The following ALDH1L1 variants were observed in gnomAD, a reference collection of about 807,000 sequenced individuals.
ALDH1L1 encodes aldehyde dehydrogenase 1 family member L1.
In ALDH1L1, 68 loss-of-function variants were observed where a neutral mutation model predicts 101.1. The observed-to-expected ratio is 0.67, with a 90% confidence interval of 0.55 to 0.82. The LOEUF is 0.82. Among genes scored for constraint, ALDH1L1 ranks in the 40% least tolerant of loss-of-function variants. ALDH1L1 has a pLI of 0.00. For synonymous variants in ALDH1L1, 486 were observed against 470.8 expected (o/e 1.03, Z -0.42); for missense variants, 1,087 against 1,172.7 (o/e 0.93, Z 1.07).
intron 16 of ALDH1L1, among the ~76,000 whole-genome samples, chr3:126,121,854 G>A (rs1443393147): frequency 6.6e-6 from 1 of 152,196 alleles, no homozygotes; most frequent in Non-Finnish European, 1.5e-5. Flanking sequence ...ACCAGGAGGT[G>A]CAGGCCACCA....
intron 19 of ALDH1L1, 79 bp from the exon 20 acceptor site, chr3:126,110,188 A>C: frequency 7.7e-6 from 12 of 1,561,430 alleles, no homozygotes; most frequent in Non-Finnish European, 9.6e-6. Flanking sequence ...CTCAGCTCTC[A>C]TGGCTGACCC....
At chr3:126,109,698 A>C (rs766246520) in intron 20 of ALDH1L1, among the ~76,000 whole-genome samples, 8 of 150,508 alleles carry the variant, frequency 5.3e-5, no homozygotes, top group Non-Finnish European at 8.9e-5. Flanking sequence ...CGGTGACAGT[A>C]AGGGCAAGTC....
chr3:126,127,473 G>T (rs1436388863), intron 14 of ALDH1L1, among the ~76,000 whole-genome samples: 1 of 152,074 alleles, frequency 6.6e-6, no homozygotes, highest in Non-Finnish European at 1.5e-5. Context: ...GACGCTCCTG[G>T]GGAGCTGCAT....
At chr3:126,107,276 T>C in intron 20 of ALDH1L1, 30 bp from the exon 21 acceptor site, 1 of 1,569,120 alleles carries the variant, frequency 6.4e-7, no homozygotes. Flanking sequence ...CCGTTGCACA[T>C]GGGAGACACG....
chr3:126,167,030 C>T (rs2081182565), intron 1 of ALDH1L1, among the ~76,000 whole-genome samples: 1 of 152,118 alleles, frequency 6.6e-6, no homozygotes, highest in South Asian at 2.1e-4. Context: ...TAAAATACTG[C>T]ACATTTTCTG....
At chr3:126,177,200 G>A (rs1225001697) in intron 1 of ALDH1L1, among the ~76,000 whole-genome samples, 2 of 152,152 alleles carry the variant, frequency 1.3e-5, no homozygotes, top group Non-Finnish European at 2.9e-5. Flanking sequence ...AATCGCTCTT[G>A]ATATTTACTC....
intron 6 of ALDH1L1, among the ~76,000 whole-genome samples, chr3:126,153,849 C>T (rs1433659633): frequency 6.6e-6 from 1 of 152,224 alleles, no homozygotes; most frequent in Non-Finnish European, 1.5e-5. Context: ...TGGCCTCAGA[C>T]CTGAGGTGCA....
At chr3:126,121,390 G>A (rs980015187) in intron 16 of ALDH1L1, among the ~76,000 whole-genome samples, 2 of 152,070 alleles carry the variant, frequency 1.3e-5, no homozygotes, top group Admixed American at 1.3e-4. Flanking sequence ...ATATAAGAAC[G>A]GAATTTTAAA....
intron 12 of ALDH1L1, among the ~76,000 whole-genome samples, chr3:126,134,509 T>A (rs1299445447): frequency 6.6e-6 from 1 of 152,172 alleles, no homozygotes; most frequent in African/African-American, 2.4e-5. Flanking sequence ...TTTCTAGAAT[T>A]GAGGGGCTTG....
chr3:126,130,319 C>T lies in ALDH1L1; in HGVS notation c.1624-26G>A, dbSNP rs372652785. 5 of 1,580,916 alleles carry T rather than the reference C, an allele frequency of 3.2e-6. No individual in the cohort carries two copies. The African/African-American group carries it at 5.4e-5, about 17-fold the overall frequency. On this transcript the variant is annotated intron_variant, in intron 13 of 22. Transcript: ENST00000393434. ...CTGGAAGAGGAACAGGGGCAGTCAC[C>T]CAGGGGCCCAGGGTCCACACCCCTT...
chr3:126,150,158 T>C (rs2080779595), intron 8 of ALDH1L1, among the ~76,000 whole-genome samples: 1 of 152,150 alleles, frequency 6.6e-6, no homozygotes, highest in Non-Finnish European at 1.5e-5. Flanking sequence ...ACTTATTAAG[T>C]GTTGACAATG....
At chr3:126,113,653 C>G (rs749448635) in intron 18 of ALDH1L1, among the ~76,000 whole-genome samples, 3 of 152,188 alleles carry the variant, frequency 2.0e-5, no homozygotes, top group Non-Finnish European at 4.4e-5. Context: ...AGTTTCTCCA[C>G]CAAATGAGGT....
chr3:126,130,726 G>A (rs550303842), intron 13 of ALDH1L1, among the ~76,000 whole-genome samples: 27 of 152,338 alleles, frequency 1.8e-4, no homozygotes, highest in Admixed American at 1.2e-3. Flanking sequence ...CCCTGGTGGA[G>A]AGGAGGAACC....
Position 126,135,642 on chromosome 3 carries a change from C to T in ALDH1L1, c.1365G>A (p.Leu455=). The T allele has an allele frequency of 1.3e-6, 2 of 1,571,888 alleles. No homozygotes were observed. Among genetic ancestry groups the T allele is most frequent in the Non-Finnish European group, 1.7e-6 (2 of 1,158,170 alleles). ...TDGSVICQVS[L]AQVTDVDKAV... ...CCTTGTCGACGTCGGTGACTTGGGC[C>T]AGGGATACCTGGCAGATGACCTATA... The change falls in exon 12 of 23, where the codon CTG becomes CTA. Residue 455 remains leucine, a synonymous_variant. Coordinates refer to ENST00000393434, the MANE Select transcript of ALDH1L1 (RefSeq NM_012190.4).
Position 126,111,756 on chromosome 3 carries a change from C to T in ALDH1L1, c.2181+1026G>A, listed in dbSNP as rs7617664. On this transcript the variant is annotated intron_variant, in intron 19 of 22. Transcript: ENST00000393434. ...ACCATCTCTCTGAAACCATGTGTGG[C>T]GGTTGCTGGCTGTTTCTCCCGCATC... 5.1e-3 allele frequency among the ~76,000 whole-genome samples: 780 copies of T among 152,270 alleles called. 8 individuals are homozygous for T. The highest frequency in any genetic ancestry group is 0.018 in the African/African-American group (729 of 41,562).
At chr3:126,169,951 TTTAAATTATATCC>T (rs1413734617) in intron 1 of ALDH1L1, among the ~76,000 whole-genome samples, 3 of 152,166 alleles carry the variant, frequency 2.0e-5, no homozygotes, top group Non-Finnish European at 4.4e-5. Context: ...TCTTTTACAG[TTTAAATTATATCC>T]GTTACAGAAA....
chr3:126,155,686 C>T (rs889507386), intron 4 of ALDH1L1, 183 bp from the exon 5 acceptor site: 3 of 531,388 alleles, frequency 5.6e-6, no homozygotes, highest in African/African-American at 1.9e-5. Context: ...TTCTATTGCA[C>T]AACGGACACA....
intron 16 of ALDH1L1, among the ~76,000 whole-genome samples, chr3:126,118,829 C>G (rs1317482495): frequency 6.6e-6 from 1 of 152,122 alleles, no homozygotes; most frequent in African/African-American, 2.4e-5. Context: ...CTGTTCCTCC[C>G]AGGGAATGCC....
At chr3:126,178,860 T>A (rs112226189) in intron 1 of ALDH1L1, among the ~76,000 whole-genome samples, 261 of 152,204 alleles carry the variant, frequency 1.7e-3, no homozygotes, top group African/African-American at 5.5e-3. Context: ...GGTTTTGGGT[T>A]TCAGAGGTTT....
Sources: gnomAD v4.1 joint callset for allele counts (sites outside exome capture counted in the v4.1 genomes callset) on GRCh38, gnomAD v4.1.1 for gene constraint, MANE v1.5 for transcripts, NCBI Gene and HGNC (gene_info 2026-07-23, HGNC 2026-07-21) for gene names.